KDELR3: variants seen among roughly 807,000 people sequenced by gnomAD.
KDELR3 encodes KDEL endoplasmic reticulum protein retention receptor 3, also known as ER lumen protein-retaining receptor 3.
Under a neutral mutation model 22.7 loss-of-function variants are expected in KDELR3, and 26 were observed. The ratio of observed to expected loss-of-function variants is 1.15; its 90% CI spans 0.84 to 1.59. The LOEUF is 1.59. KDELR3 is among the 40% of genes most tolerant of loss of function. The pLI is 0.00. For missense variants in KDELR3, 289 were observed against 251.1 expected (o/e 1.15, Z -1.02); for synonymous variants, 120 against 98.2 (o/e 1.22, Z -1.31).
intron 1 of KDELR3, among the ~76,000 whole-genome samples, chr22:38,469,006 C>T (rs1484673304): frequency 6.6e-6 from 1 of 152,248 alleles, no homozygotes; most frequent in African/African-American, 2.4e-5. Flanking sequence ...CTTTGTCCAC[C>T]GGCATCCTCG....
chr22:38,478,629 A>ATTTTGTTTTTTTTTTTT (rs2089576835), intron 2 of KDELR3, among the ~76,000 whole-genome samples: 1 of 43,560 alleles, frequency 2.3e-5, no homozygotes, highest in Non-Finnish European at 3.8e-5. Flanking sequence ...AGCATCTGTG[A>ATTTTGTTTTTTTTTTTT]TTTTTTTTTT....
At chr22:38,482,458 A>G in intron 4 of KDELR3, 38 bp from the exon 5 acceptor site, 3 of 1,533,310 alleles carry the variant, frequency 2.0e-6, no homozygotes, top group African/African-American at 2.7e-5. Context: ...TCCTTTCATC[A>G]GATGGTAAAT....
At position 38,468,249 on chromosome 22, in the gene KDELR3, A is replaced by G. The variant is rs148826370; in HGVS notation, c.16A>G (p.Ile6Val). MNVFR[I>V]LGDLSHLLAM... ...TGGCTGGACCATGAACGTGTTCCGA[A>G]TCCTCGGCGACCTGAGCCACCTCCT... is the stretch of plus-strand genomic sequence containing the variant. Residue 6 changes from isoleucine to valine, a missense_variant, in exon 1 of 5, where the codon ATC (isoleucine) becomes GTC (valine). Coordinates refer to ENST00000216014, the MANE Select transcript of KDELR3 (RefSeq NM_006855.4). 3.3e-5 allele frequency: 54 copies of G among 1,613,636 alleles called. No homozygotes were observed. The highest frequency in any genetic ancestry group is 4.5e-5 in the Non-Finnish European group (53 of 1,179,922).
chr22:38,468,118 C>A lies in KDELR3; in HGVS notation c.-116C>A. On this transcript the variant is annotated 5_prime_UTR_variant, in exon 1 of 5. Transcript: ENST00000216014. ...GGTGCGATCGCGGAGCTGTGAGGCG[C>A]AGGCAGGGCTCTGGGGCACCTAGAG... 1.2e-6 allele frequency: 1 copy of A among 853,240 alleles called. No homozygotes were observed. The allele number at this position is 853,240 out of a possible 1,614,324, so 52.9% of individuals were successfully genotyped here. A position where few individuals can be genotyped will look rare whatever the true frequency, so the allele number is the denominator to read the frequency against.
intron 1 of KDELR3, among the ~76,000 whole-genome samples, chr22:38,469,971 C>T (rs2145961583): frequency 6.6e-6 from 1 of 151,956 alleles, no homozygotes; most frequent in African/African-American, 2.4e-5. Flanking sequence ...AGGCACGCAC[C>T]ACCACACCCG....
At position 38,474,520 on chromosome 22, in the gene KDELR3, C is replaced by T. The variant is rs1191282372; in HGVS notation, c.92-3C>T. The T allele has an allele frequency of 6.2e-7, 1 of 1,613,088 alleles. No homozygotes were observed. Among genetic ancestry groups the T allele is most frequent in the African/African-American group, 1.3e-5 (1 of 74,864 alleles). On this transcript the variant is annotated splice_polypyrimidine_tract_variant and splice_region_variant and intron_variant, in intron 1 of 4. Transcript: ENST00000216014. ...ATTGTCTCCTGTCTACCCTTGGCCA[C>T]AGGCATCTCTGGGAAGAGCCAGATC...
chr22:38,481,608 T>A, intron 4 of KDELR3, 144 bp downstream of exon 4: 1 of 1,503,388 alleles, frequency 6.7e-7, no homozygotes, highest in South Asian at 1.3e-5. Context: ...GACAAATATT[T>A]TCAATAAAGA....
chr22:38,479,686 G>C lies in KDELR3; in HGVS notation c.286G>C (p.Glu96Gln). The change falls in exon 3 of 5, where the codon GAG becomes CAG. Residue 96 changes from glutamate to glutamine, a missense_variant. Transcript: ENST00000216014. ...FDSENDTFRL[E>Q]FLLVPVIGLS... ...CAGTGAGAATGACACATTCCGCCTG[G>C]AGTTTCTTCTGGTCCCAGTCATTGG... is the stretch of plus-strand genomic sequence containing the variant. 6.2e-7 allele frequency: 1 copy of C among 1,614,142 alleles called. No individual in the cohort carries two copies. The highest frequency in any genetic ancestry group is 8.5e-7 in the Non-Finnish European group (1 of 1,179,996).
In KDELR3 at chr22:38,482,770, C is replaced by T. The variant is rs943669956; in HGVS notation, c.*234C>T. On this transcript the variant is annotated 3_prime_UTR_variant, in exon 5 of 5. Coordinates refer to ENST00000216014, the MANE Select transcript of KDELR3 (RefSeq NM_006855.4). The stretch of plus-strand genomic sequence containing the variant: ...CTCGGCCACCTGCACAAAGATGGTG[C>T]CTCACTGCAACAAGAAACCTTAAGG... 23 of 526,578 alleles carry T rather than the reference C, an allele frequency of 4.4e-5. No individual in the cohort carries two copies. The highest frequency in any genetic ancestry group is 4.9e-4 in the Middle Eastern group (1 of 2,044). The allele number at this position is 526,578 out of a possible 1,614,324, so 32.6% of individuals were successfully genotyped here. A position where few individuals can be genotyped will look rare whatever the true frequency, so the allele number is the denominator to read the frequency against.
chr22:38,480,091 C>T (rs1360294025), intron 3 of KDELR3, among the ~76,000 whole-genome samples: 1 of 152,176 alleles, frequency 6.6e-6, no homozygotes, highest in East Asian at 1.9e-4. Flanking sequence ...CATGAATCTG[C>T]AGGCAACAAG....
chr22:38,481,646 A>G, intron 4 of KDELR3, 182 bp downstream of exon 4: 2 of 1,454,798 alleles, frequency 1.4e-6, no homozygotes, highest in Non-Finnish European at 1.8e-6. Context: ...CATGCAGGCC[A>G]ATAGGTTATG....
chr22:38,472,845 ATGAGCCACCACAC>A (rs1461861225), intron 1 of KDELR3, among the ~76,000 whole-genome samples: 121 of 152,216 alleles, frequency 7.9e-4, no homozygotes, highest in African/African-American at 2.9e-3. Context: ...GGTTACAGGC[ATGAGCCACCACAC>A]CTGGCTAATT....
chr22:38,478,534 CAA>C (rs138431), intron 2 of KDELR3, among the ~76,000 whole-genome samples: 9 of 71,588 alleles, frequency 1.3e-4, no homozygotes, highest in Admixed American at 2.1e-4. Context: ...GACTCCATCT[CAA>C]AAAAAAAAAA....
intron 4 of KDELR3, 91 bp from the exon 5 acceptor site, chr22:38,482,405 A>G (rs2089610053): frequency 9.4e-7 from 1 of 1,066,598 alleles, no homozygotes; most frequent in Non-Finnish European, 1.5e-6. Flanking sequence ...TGAGCCGGCC[A>G]TTAAGAGATG....
rs2089613635 is a variant in KDELR3, at chr22:38,482,735, C to T, written c.*199C>T. 2 of 556,952 alleles carry T rather than the reference C, an allele frequency of 3.6e-6. No individual in the cohort carries two copies. Among genetic ancestry groups the T allele is most frequent in the Non-Finnish European group, 6.3e-6 (2 of 315,310 alleles). 34.5% of individuals were successfully genotyped at this position (556,952 alleles called of 1,614,324 possible). On this transcript the variant is annotated 3_prime_UTR_variant, in exon 5 of 5. Transcript: ENST00000216014. ...CGCCCTTAAAGACCCATTGTAAGGT[C>T]ATAAAAAACCTCGGCCACCTGCACA...
chr22:38,475,788 C>A (rs889216870), intron 2 of KDELR3, among the ~76,000 whole-genome samples: 12 of 152,016 alleles, frequency 7.9e-5, no homozygotes, highest in African/African-American at 2.9e-4. Flanking sequence ...CATGTGCCAC[C>A]ATGTCCAGCT....
At position 38,468,189 on chromosome 22, in the gene KDELR3, C is replaced by T. The variant is rs762344647; in HGVS notation, c.-45C>T. ...AGCCGCCCTGCCCGCCAGAAAGTTT[C>T]CTAGAAGTTTGCTGGGCGCGGGCGC... On this transcript the variant is annotated 5_prime_UTR_variant, in exon 1 of 5. Coordinates refer to ENST00000216014, the MANE Select transcript of KDELR3 (RefSeq NM_006855.4). The T allele has an allele frequency of 1.3e-6, 2 of 1,584,176 alleles. No individual in the cohort carries two copies. The highest frequency in any genetic ancestry group is 3.3e-5 in the Admixed American group (2 of 59,814).
At chr22:38,478,458 C>G (rs1252582147) in intron 2 of KDELR3, among the ~76,000 whole-genome samples, 1 of 147,714 alleles carries the variant, frequency 6.8e-6, no homozygotes, top group East Asian at 2.1e-4. Context: ...TCACTTGAAT[C>G]CAGGAGGCGG....
In KDELR3 at chr22:38,482,784, G is replaced by C. The variant is rs2089614238; in HGVS notation, c.*248G>C. ...CAAAGATGGTGCCTCACTGCAACAAGAAACCTTAAGGTGTCTTACCGACGA... is the reference window on the plus strand; with the variant it reads ...CAAAGATGGTGCCTCACTGCAACAACAAACCTTAAGGTGTCTTACCGACGA... On this transcript the variant is annotated 3_prime_UTR_variant, in exon 5 of 5. Coordinates refer to ENST00000216014, the MANE Select transcript of KDELR3 (RefSeq NM_006855.4). 1.9e-6 allele frequency: 1 copy of C among 519,012 alleles called. No homozygotes were observed. Among genetic ancestry groups the C allele is most frequent in the South Asian group, 3.0e-5 (1 of 32,818 alleles). 32.2% of individuals were successfully genotyped at this position (519,012 alleles called of 1,614,324 possible).
Sources: allele counts gnomAD v4.1 joint callset (sites outside exome capture counted in the v4.1 genomes callset), GRCh38; gene constraint gnomAD v4.1.1; transcripts MANE v1.5; gene names NCBI Gene and HGNC (gene_info 2026-07-23, HGNC 2026-07-21).